Variants in CCSER1 observed in about 807,000 individuals in gnomAD.
CCSER1 encodes the protein serine-rich coiled-coil domain-containing protein 1.
Under a neutral mutation model 82.0 loss-of-function variants are expected in CCSER1, and 41 were observed. That is an observed-to-expected ratio of 0.50 (90% CI 0.39 to 0.65). The LOEUF (loss-of-function observed/expected upper bound fraction) is 0.65. Among genes scored for constraint, CCSER1 ranks in the 30% least tolerant of loss-of-function variants. The probability of loss-of-function intolerance (pLI) is 0.00; values close to 1 mark genes in which losing one functional copy is unlikely to be tolerated. For missense variants in CCSER1, 1,119 were observed against 1,064.2 expected, an observed-to-expected ratio of 1.05 and a Z score of -0.72; for synonymous variants, 414 against 383.9, an observed-to-expected ratio of 1.08 and a Z score of -0.92.
At chr4:90,511,752 A>G (rs1244859790) in intron 5 of CCSER1, among the ~76,000 whole-genome samples, 1 of 152,190 alleles carries the variant, frequency 6.6e-6, no homozygotes, top group Non-Finnish European at 1.5e-5. Context: ...GAACAAAATG[A>G]TGGTATGGGA....
intron 9 of CCSER1, chr4:90,923,657 A>G: frequency 2.4e-6 from 1 of 425,114 alleles, no homozygotes; most frequent in Non-Finnish European, 4.2e-6. Flanking sequence ...TGCCTTATTA[A>G]TTTTTTTACA....
Position 91,082,923 on chromosome 4 carries a change from G to A in CCSER1, c.2173-3027G>A, listed in dbSNP as rs146792851. Among the ~76,000 whole-genome samples the A allele has an allele frequency of 7.7e-3, 1,180 of 152,298 alleles. 11 individuals carry two copies. The highest frequency in any genetic ancestry group is 0.026 in the African/African-American group (1,092 of 41,554). On this transcript the variant is annotated intron_variant, in intron 9 of 10. Coordinates refer to ENST00000509176, the MANE Select transcript of CCSER1 (RefSeq NM_001145065.2). The stretch of plus-strand genomic sequence containing the variant: ...AAGTCAGGAAACTACAGATGCTGGA[G>A]AGGATGTGGAGAAATAGGGACACTT...
At chr4:90,233,337 A>AT (rs1268471573) in intron 1 of CCSER1, among the ~76,000 whole-genome samples, 2 of 152,122 alleles carry the variant, frequency 1.3e-5, no homozygotes, top group African/African-American at 4.8e-5. Context: ...CACGGATGAA[A>AT]TTGGAAATCA....
At chr4:90,477,688 T>G (rs1765303836) in intron 5 of CCSER1, among the ~76,000 whole-genome samples, 1 of 150,930 alleles carries the variant, frequency 6.6e-6, no homozygotes, top group Non-Finnish European at 1.5e-5. Flanking sequence ...GTTTCCTGGT[T>G]TTTTTTTTAT....
At chr4:91,334,504 C>T (rs766865732) in intron 10 of CCSER1, among the ~76,000 whole-genome samples, 2 of 151,878 alleles carry the variant, frequency 1.3e-5, no homozygotes, top group Admixed American at 6.6e-5. Flanking sequence ...CAGTTGCTAC[C>T]ATTGTAATAA....
At chr4:91,082,322 T>C (rs896636832) in intron 9 of CCSER1, among the ~76,000 whole-genome samples, 11 of 152,216 alleles carry the variant, frequency 7.2e-5, no homozygotes, top group African/African-American at 2.7e-4. Context: ...GGATTCCCTA[T>C]TTAATAAATG....
intron 8 of CCSER1, among the ~76,000 whole-genome samples, chr4:90,883,640 TA>T (rs1054021249): frequency 6.6e-6 from 1 of 152,162 alleles, no homozygotes; most frequent in African/African-American, 2.4e-5. Flanking sequence ...GAGAGAATTA[TA>T]AAGTGGAGAG....
chr4:90,783,595 A>T lies in CCSER1; in HGVS notation c.2011-32167A>T, dbSNP rs566680769. 3.3e-5 allele frequency among the ~76,000 whole-genome samples: 5 copies of T among 152,294 alleles called. No homozygotes were observed. The South Asian group carries it at 1.0e-3, about 32-fold the overall frequency. ...AAAGCACCTTTTGTCTTTGTCAGGGATGGGGAAAAGTAACCATCTGAAATA... is the reference window on the plus strand; with the variant it reads ...AAAGCACCTTTTGTCTTTGTCAGGGTTGGGGAAAAGTAACCATCTGAAATA... On this transcript the variant is annotated intron_variant, in intron 7 of 10. Transcript: ENST00000509176.
intron 10 of CCSER1, among the ~76,000 whole-genome samples, chr4:91,511,586 C>G (rs1759827994): frequency 6.6e-6 from 1 of 152,166 alleles, no homozygotes; most frequent in Non-Finnish European, 1.5e-5. Context: ...CTACGCATCA[C>G]TCATATTACT....
intron 9 of CCSER1, among the ~76,000 whole-genome samples, chr4:90,981,962 A>G (rs911143192): frequency 2.6e-5 from 4 of 151,852 alleles, no homozygotes; most frequent in Admixed American, 1.3e-4. Context: ...GCACCCTTGC[A>G]TAATCTCGAA....
At chr4:90,658,741 C>T (rs1222632671) in intron 6 of CCSER1, among the ~76,000 whole-genome samples, 2 of 152,148 alleles carry the variant, frequency 1.3e-5, no homozygotes, top group Non-Finnish European at 2.9e-5. Context: ...CAGATTACAG[C>T]TGTGCGTGTA....
rs140475366 is a variant in CCSER1 at position 90,435,870 on chromosome 4, A to AT, written c.1604-32354dup. Among the ~76,000 whole-genome samples, 637 of 150,388 alleles carry AT rather than the reference A, an allele frequency of 4.2e-3. 6 individuals are homozygous for AT. Among genetic ancestry groups the AT allele is most frequent in the African/African-American group, 0.014 (563 of 41,106 alleles). The stretch of plus-strand genomic sequence containing the variant: ...GGTGAATACTTCAAAAAAATCTTAG[A>AT]TTTTTTTTTTCAATCTATATATGTT... On this transcript the variant is annotated intron_variant, in intron 4 of 10. Transcript: ENST00000509176.
chr4:90,813,844 T>C (rs1464748170), intron 7 of CCSER1, among the ~76,000 whole-genome samples: 2 of 152,180 alleles, frequency 1.3e-5, no homozygotes, highest in South Asian at 2.1e-4. Flanking sequence ...TTGGTGGATC[T>C]ATGATTCTGG....
At chr4:91,095,048 T>G (rs1724363220) in intron 10 of CCSER1, among the ~76,000 whole-genome samples, 1 of 152,020 alleles carries the variant, frequency 6.6e-6, no homozygotes, top group South Asian at 2.1e-4. Context: ...ATATCAATGG[T>G]TTTTTTGATA....
At chr4:90,615,601 T>C (rs113632946) in intron 5 of CCSER1, among the ~76,000 whole-genome samples, 14 of 152,034 alleles carry the variant, frequency 9.2e-5, no homozygotes, top group African/African-American at 2.4e-4. Flanking sequence ...GAATTAGAAG[T>C]GGACCCTGAA....
At chr4:90,236,050 T>C (rs531374243) in intron 1 of CCSER1, among the ~76,000 whole-genome samples, 3 of 152,202 alleles carry the variant, frequency 2.0e-5, no homozygotes, top group Admixed American at 2.0e-4. Context: ...CAAGACATCC[T>C]CCCACCTTAG....
At chr4:91,271,617 A>T (rs1742030282) in intron 10 of CCSER1, among the ~76,000 whole-genome samples, 1 of 151,906 alleles carries the variant, frequency 6.6e-6, no homozygotes, top group Non-Finnish European at 1.5e-5. Flanking sequence ...ATTCCCTTTT[A>T]TGGCTGAGTA....
chr4:90,329,405 C>T (rs575422431), intron 3 of CCSER1, among the ~76,000 whole-genome samples: 74 of 152,142 alleles, frequency 4.9e-4, no homozygotes, highest in African/African-American at 1.2e-3. Context: ...TTATCAATAA[C>T]GTGTCAAAAC....
intron 7 of CCSER1, among the ~76,000 whole-genome samples, chr4:90,758,911 GA>G (rs777359675): frequency 2.6e-5 from 4 of 152,122 alleles, no homozygotes; most frequent in Non-Finnish European, 5.9e-5. Flanking sequence ...TCTAAGGGGA[GA>G]AGGGATTTAA....
Sources: allele counts gnomAD v4.1 joint callset (sites outside exome capture counted in the v4.1 genomes callset), GRCh38; gene constraint gnomAD v4.1.1; transcripts MANE v1.5; gene names NCBI Gene and HGNC (gene_info 2026-07-23, HGNC 2026-07-21).